RPS6KC1: variants seen among roughly 807,000 people sequenced by gnomAD.
RPS6KC1 encodes inactive ribosomal protein S6 kinase delta-1.
In RPS6KC1, 54 loss-of-function variants were observed where a neutral mutation model predicts 103.8. That is an observed-to-expected ratio of 0.52 (90% CI 0.42 to 0.65). The LOEUF (loss-of-function observed/expected upper bound fraction) is 0.65, where lower values mean the gene tolerates loss of function less well. Ranked by LOEUF, RPS6KC1 falls within the 30% of genes least tolerant of loss-of-function variation. The pLI, the probability that RPS6KC1 is intolerant of heterozygous loss-of-function variation, is 0.00. For synonymous variants in RPS6KC1, 439 were observed against 438.7 expected, an observed-to-expected ratio of 1.00 and a Z score of -0.01; for missense variants, 1,151 against 1,253.8, an observed-to-expected ratio of 0.92 and a Z score of 1.24.
At chr1:213,630,558 T>G in the RPS6KC1 span, among the ~76,000 whole-genome samples, 78 of 150,886 alleles carry the variant, frequency 5.2e-4, no homozygotes, top group Non-Finnish European at 8.6e-4. Flanking sequence ...TTTGATCATC[T>G]GAAGCCTTCT....
At chr1:213,796,591 G>A in the RPS6KC1 span, among the ~76,000 whole-genome samples, 1 of 152,076 alleles carries the variant, frequency 6.6e-6, no homozygotes, top group African/African-American at 2.4e-5. Context: ...TTGGCCCCAC[G>A]AGCCTGAAAG....
At chr1:213,758,501 C>T in the RPS6KC1 span, among the ~76,000 whole-genome samples, 1 of 151,852 alleles carries the variant, frequency 6.6e-6, no homozygotes. Flanking sequence ...TCACTTGAAC[C>T]CGGGAGGCGG....
the RPS6KC1 span, among the ~76,000 whole-genome samples, chr1:213,694,570 G>T: frequency 3.9e-5 from 6 of 152,242 alleles, no homozygotes; most frequent in Non-Finnish European, 7.4e-5. Context: ...CTATGATGCT[G>T]GGGTCCTCTC....
chr1:213,069,832 A>G (rs1384852862), intron 1 of RPS6KC1, among the ~76,000 whole-genome samples: 4 of 152,220 alleles, frequency 2.6e-5, no homozygotes, highest in East Asian at 1.9e-4. Context: ...TGACACTTAC[A>G]TGGATGGTAC....
the RPS6KC1 span, among the ~76,000 whole-genome samples, chr1:213,645,273 G>A: frequency 6.6e-6 from 1 of 151,942 alleles, no homozygotes; most frequent in East Asian, 1.9e-4. Flanking sequence ...TTGTGTTTTT[G>A]CCATACCAAT....
the RPS6KC1 span, among the ~76,000 whole-genome samples, chr1:213,332,547 G>A: frequency 1.3e-5 from 2 of 152,334 alleles, no homozygotes; most frequent in Admixed American, 6.5e-5. Flanking sequence ...TGGCCTGAGA[G>A]AGGCCTATAG....
the RPS6KC1 span, among the ~76,000 whole-genome samples, chr1:213,700,362 T>C: frequency 3.9e-5 from 6 of 152,098 alleles, no homozygotes; most frequent in East Asian, 1.9e-4. Flanking sequence ...TTTATGTGCA[T>C]GTGCATTTAT....
the RPS6KC1 span, among the ~76,000 whole-genome samples, chr1:213,671,303 T>C: frequency 6.6e-6 from 1 of 151,946 alleles, no homozygotes; most frequent in African/African-American, 2.4e-5. Context: ...ATCTCACATA[T>C]ATGTGGAAAT....
At chr1:213,741,579 G>A in the RPS6KC1 span, among the ~76,000 whole-genome samples, 11 of 152,106 alleles carry the variant, frequency 7.2e-5, no homozygotes, top group Non-Finnish European at 1.6e-4. Flanking sequence ...ATGTTCTGCT[G>A]TCGTCTTTTT....
At chr1:213,181,074 T>C (rs1345248143) in intron 8 of RPS6KC1, among the ~76,000 whole-genome samples, 1 of 152,172 alleles carries the variant, frequency 6.6e-6, no homozygotes, top group Non-Finnish European at 1.5e-5. Context: ...TGCAGCCTCC[T>C]GTGAGTTAAA....
chr1:213,336,348 A>T, the RPS6KC1 span, among the ~76,000 whole-genome samples: 32 of 152,252 alleles, frequency 2.1e-4, no homozygotes, highest in Non-Finnish European at 1.5e-5. Context: ...TGAGTCAATA[A>T]GTATGGCCTA....
chr1:213,758,375 C>T, the RPS6KC1 span, among the ~76,000 whole-genome samples: 9 of 152,106 alleles, frequency 5.9e-5, no homozygotes, highest in East Asian at 1.9e-4. Flanking sequence ...GTCAGGAGTT[C>T]GAGACCAGCC....
the RPS6KC1 span, among the ~76,000 whole-genome samples, chr1:213,469,689 G>A: frequency 7.4e-6 from 1 of 135,306 alleles, no homozygotes; most frequent in Non-Finnish European, 1.7e-5. Flanking sequence ...AAGTGTGCAT[G>A]TGTCTCTGAA....
chr1:213,377,954 C>G, the RPS6KC1 span, among the ~76,000 whole-genome samples: 1 of 152,134 alleles, frequency 6.6e-6, no homozygotes, highest in African/African-American at 2.4e-5. Context: ...TACTTTGACA[C>G]GATATAGGGA....
chr1:213,853,282 C>CT, the RPS6KC1 span, among the ~76,000 whole-genome samples: 2 of 152,206 alleles, frequency 1.3e-5, no homozygotes, highest in African/African-American at 4.8e-5. Context: ...GTCCATCTCT[C>CT]TAAGTATCTG....
intron 4 of RPS6KC1, 61 bp downstream of exon 4, chr1:213,104,630 A>G (rs2082307225): frequency 4.2e-6 from 4 of 957,242 alleles, no homozygotes; most frequent in Non-Finnish European, 6.2e-6. Flanking sequence ...TTTGTAGTAA[A>G]GTAAAATAAA....
intron 6 of RPS6KC1, among the ~76,000 whole-genome samples, chr1:213,132,585 G>A (rs2085768368): frequency 6.6e-6 from 1 of 152,162 alleles, no homozygotes; most frequent in Non-Finnish European, 1.5e-5. Flanking sequence ...GGGGGCTCTA[G>A]TTATGAGCTT....
the RPS6KC1 span, among the ~76,000 whole-genome samples, chr1:213,766,900 G>C: frequency 6.6e-6 from 1 of 152,046 alleles, no homozygotes; most frequent in East Asian, 1.9e-4. Context: ...TTTCAAAAAT[G>C]GCCTCCCCTC....
At chr1:213,187,342 T>G (rs2092575248) in intron 8 of RPS6KC1, among the ~76,000 whole-genome samples, 1 of 151,366 alleles carries the variant, frequency 6.6e-6, no homozygotes, top group Non-Finnish European at 1.5e-5. Context: ...CCTCCCAGGT[T>G]AAGGTGATTC....
Sources: allele counts gnomAD v4.1 joint callset (sites outside exome capture counted in the v4.1 genomes callset), GRCh38; gene constraint gnomAD v4.1.1; transcripts MANE v1.5; gene names NCBI Gene and HGNC (gene_info 2026-07-23, HGNC 2026-07-21).